Variants in AGAP1 observed in about 807,000 individuals in gnomAD.
The protein encoded by AGAP1 is ArfGAP with GTPase domain, ankyrin repeat and PH domain 1.
Under a neutral mutation model 105.3 loss-of-function variants are expected in AGAP1, and 29 were observed. That is an observed-to-expected ratio of 0.28 (90% confidence interval 0.21 to 0.38). The LOEUF is 0.38. Among genes scored for constraint, AGAP1 ranks in the 10% least tolerant of loss-of-function variants. AGAP1 has a pLI of 1.00. For synonymous variants in AGAP1, 509 were observed against 485.9 expected, an observed-to-expected ratio of 1.05 and a Z score of -0.63; for missense variants, 998 against 1,165.1, an observed-to-expected ratio of 0.86 and a Z score of 2.09.
At position 235,660,787 on chromosome 2, in the gene AGAP1, A is replaced by T. The variant is rs1303435770; in HGVS notation, c.164-48392A>T. 2.0e-5 allele frequency among the ~76,000 whole-genome samples: 3 copies of T among 152,214 alleles called. No homozygotes were observed. Among genetic ancestry groups the T allele is most frequent in the Non-Finnish European group, 4.4e-5 (3 of 68,036 alleles). ...CAGCATTGGAGCAGATGCTCCCCAT[A>T]CATCATCACATCTTATTGTCGCAGC... On this transcript the variant is annotated intron_variant, in intron 1 of 17. Transcript: ENST00000304032. This position sits in a 1 kb window ranked among gnomAD's most constrained non-coding sequence, Gnocchi z 5.3.
rs370040304 is a variant in AGAP1, at chr2:236,038,276, A to G, written c.1800+1561A>G. 1.8e-4 allele frequency among the ~76,000 whole-genome samples: 28 copies of G among 152,320 alleles called. 1 individual carries two copies. The South Asian group carries it at 4.6e-3, about 25-fold the overall frequency. On this transcript the variant is annotated intron_variant, in intron 14 of 17. Transcript: ENST00000304032. The surrounding 1 kb of genome is among the most constrained non-coding windows in gnomAD (Gnocchi z 4.5). Reference sequence around the variant, plus strand: ...CAAGCGTGGGCAGCTCATTCTGAGAAGGAAGGCAGGGAGGCAGGCTGTGTT... The same window carrying G: ...CAAGCGTGGGCAGCTCATTCTGAGAGGGAAGGCAGGGAGGCAGGCTGTGTT...
rs185089496 is a variant in AGAP1 at position 235,775,139 on chromosome 2, G to A, written c.674-22620G>A. Among the ~76,000 whole-genome samples, 668 of 152,318 alleles carry A rather than the reference G, an allele frequency of 4.4e-3. 7 individuals carry two copies. Among genetic ancestry groups the A allele is most frequent in the African/African-American group, 0.015 (636 of 41,568 alleles). On this transcript the variant is annotated intron_variant, in intron 6 of 17. Transcript: ENST00000304032. ...CAGCCAGCTGGGGAACAGAGAAGGT[G>A]AGTGGGGACAGAGCCCACAGGTCCT...
In AGAP1 at chr2:235,553,211, G is replaced by A. The variant is rs1046676112; in HGVS notation, c.163+58362G>A. Among the ~76,000 whole-genome samples, 1 of 151,822 alleles carries A rather than the reference G, an allele frequency of 6.6e-6. No individual in the cohort carries two copies. The highest frequency in any genetic ancestry group is 2.4e-5 in the African/African-American group (1 of 41,310). On this transcript the variant is annotated intron_variant, in intron 1 of 17. Coordinates refer to ENST00000304032, the MANE Select transcript of AGAP1 (RefSeq NM_001037131.3). This position sits in a 1 kb window ranked among gnomAD's most constrained non-coding sequence, Gnocchi z 4.5. ...TGGTGAACTAACATTCTCAAGTACT[G>A]TCTTAAGTCAGTACAGATTTTAGGC...
chr2:235,979,322 A>G lies in AGAP1; in HGVS notation c.1645+10699A>G, dbSNP rs1174007675. Reference sequence around the variant, plus strand: ...TGAGGTTGGAGGGAGGAGGGTGGTGATTGATTAAGCCCCCCTGTCGTTCAT... The same window carrying G: ...TGAGGTTGGAGGGAGGAGGGTGGTGGTTGATTAAGCCCCCCTGTCGTTCAT... On this transcript the variant is annotated intron_variant, in intron 13 of 17. Transcript: ENST00000304032. This position sits in a 1 kb window ranked among gnomAD's most constrained non-coding sequence, Gnocchi z 4.5. Among the ~76,000 whole-genome samples, 1 of 151,952 alleles carries G rather than the reference A, an allele frequency of 6.6e-6. No homozygotes were observed. Among genetic ancestry groups the G allele is most frequent in the Non-Finnish European group, 1.5e-5 (1 of 67,988 alleles).
At position 235,753,219 on chromosome 2, in the gene AGAP1, G is replaced by A. The variant is rs115899016; in HGVS notation, c.673+2731G>A. Among the ~76,000 whole-genome samples the A allele has an allele frequency of 1.2e-3, 180 of 152,254 alleles. No individual in the cohort carries two copies. The highest frequency in any genetic ancestry group is 6.8e-3 in the Middle Eastern group (2 of 294). ...GGAAGCATTTCGTTTTCTTCAGGTTGGGGGTGGCAAGAGGAGAATAAGGAC... is the reference window on the plus strand; with the variant it reads ...GGAAGCATTTCGTTTTCTTCAGGTTAGGGGTGGCAAGAGGAGAATAAGGAC... On this transcript the variant is annotated intron_variant, in intron 6 of 17. Coordinates refer to ENST00000304032, the MANE Select transcript of AGAP1 (RefSeq NM_001037131.3). The surrounding 1 kb of genome is among the most constrained non-coding windows in gnomAD (Gnocchi z 4.5).
intron 9 of AGAP1, among the ~76,000 whole-genome samples, chr2:235,835,982 T>C (rs4663617): frequency 6.6e-6 from 1 of 152,130 alleles, no homozygotes; most frequent in African/African-American, 2.4e-5. Context: ...AATAAATTCA[T>C]TTAGATTTAT....
In AGAP1 at chr2:236,125,485, A is replaced by T. The variant is rs1466980993; in HGVS notation, c.*1363A>T. 6.6e-6 allele frequency: 1 copy of T among 152,212 alleles called. No individual in the cohort carries two copies. Among genetic ancestry groups the T allele is most frequent in the African/African-American group, 2.4e-5 (1 of 41,452 alleles). The allele number at this position is 152,212 out of a possible 1,614,324, so 9.4% of individuals were successfully genotyped here. A position where few individuals can be genotyped will look rare whatever the true frequency, so the allele number is the denominator to read the frequency against. Reference sequence around the variant, plus strand: ...TTAAAATTGAGAAAGAAAAAAAAAGACACACTGGAGTATATTAGAAAGGAA... The same window carrying T: ...TTAAAATTGAGAAAGAAAAAAAAAGTCACACTGGAGTATATTAGAAAGGAA... On this transcript the variant is annotated 3_prime_UTR_variant, in exon 18 of 18. Transcript: ENST00000304032. The surrounding 1 kb of genome is among the most constrained non-coding windows in gnomAD (Gnocchi z 5.2).
chr2:235,743,032 T>G (rs898322082), intron 4 of AGAP1, among the ~76,000 whole-genome samples: 1 of 152,158 alleles, frequency 6.6e-6, no homozygotes, highest in African/African-American at 2.4e-5. Flanking sequence ...CCAGGCGTGG[T>G]GGCACGTGCC....
chr2:235,957,120 C>G lies in AGAP1; in HGVS notation c.1484-11342C>G, dbSNP rs74856534. Reference sequence around the variant, plus strand: ...ACCACAGTCAATCTCAGAACATTTTCATCGTCTCAAAAAGGAAACTCTGTT... The same window carrying G: ...ACCACAGTCAATCTCAGAACATTTTGATCGTCTCAAAAAGGAAACTCTGTT... On this transcript the variant is annotated intron_variant, in intron 12 of 17. Transcript: ENST00000304032. The surrounding 1 kb of genome is among the most constrained non-coding windows in gnomAD (Gnocchi z 4.6). 0.017 allele frequency among the ~76,000 whole-genome samples: 2,513 copies of G among 152,278 alleles called. 78 individuals carry two copies. Among genetic ancestry groups the G allele is most frequent in the African/African-American group, 0.058 (2,392 of 41,540 alleles).
Position 235,843,948 on chromosome 2 carries a change from C to G in AGAP1, c.1050+36617C>G, listed in dbSNP as rs2176237. Among the ~76,000 whole-genome samples, 71,067 of 152,176 alleles carry G rather than the reference C, an allele frequency of 0.47. 19,165 individuals are homozygous for G. Among genetic ancestry groups the G allele is most frequent in the East Asian group, 0.8 (4,103 of 5,156 alleles). Reference sequence around the variant, plus strand: ...GCTTCCCAGCATGGCCTCACATTGTCATCAGTGTCACTCAGGACCTTGCCC... The same window carrying G: ...GCTTCCCAGCATGGCCTCACATTGTGATCAGTGTCACTCAGGACCTTGCCC... On this transcript the variant is annotated intron_variant, in intron 9 of 17. Coordinates refer to ENST00000304032, the MANE Select transcript of AGAP1 (RefSeq NM_001037131.3). This position sits in a 1 kb window ranked among gnomAD's most constrained non-coding sequence, Gnocchi z 5.9.
intron 8 of AGAP1, among the ~76,000 whole-genome samples, chr2:235,802,888 ATGG>A (rs570084243): frequency 0.016 from 1,795 of 109,382 alleles, 21 homozygotes; most frequent in Non-Finnish European, 0.021. Flanking sequence ...TGTGGTTGTG[ATGG>A]TGATGATGGT....
chr2:235,814,877 G>A (rs567456737), intron 9 of AGAP1, among the ~76,000 whole-genome samples: 85 of 152,250 alleles, frequency 5.6e-4, no homozygotes, highest in African/African-American at 2.0e-3. Context: ...CTGCAGAGAA[G>A]GGTTGATTTC....
chr2:235,594,565 C>T (rs1054377501), intron 1 of AGAP1, among the ~76,000 whole-genome samples: 14 of 152,006 alleles, frequency 9.2e-5, no homozygotes, highest in African/African-American at 1.4e-4. Context: ...CAATATGATG[C>T]GGAGTTTTCC....
intron 10 of AGAP1, among the ~76,000 whole-genome samples, chr2:235,899,163 A>G (rs2050943483): frequency 6.6e-6 from 1 of 152,192 alleles, no homozygotes; most frequent in Non-Finnish European, 1.5e-5. Flanking sequence ...AGAAGACATG[A>G]TGTAGCAATC....
At chr2:236,069,829 A>G (rs190541676) in intron 16 of AGAP1, among the ~76,000 whole-genome samples, 282 of 152,336 alleles carry the variant, frequency 1.9e-3, no homozygotes, top group Non-Finnish European at 1.6e-3. Context: ...TCTCTAGGGG[A>G]TAGGGTTCTG....
chr2:236,055,259 G>A lies in AGAP1; in HGVS notation c.2114+5978G>A, dbSNP rs2058020155. Among the ~76,000 whole-genome samples the A allele has an allele frequency of 6.6e-6, 1 of 152,146 alleles. No homozygotes were observed. The highest frequency in any genetic ancestry group is 6.5e-5 in the Admixed American group (1 of 15,278). ...CGATCAGAGTTAACAATTATAGCAA[G>A]GACAGTTTAACTTTCTTCTTCGCCG... On this transcript the variant is annotated intron_variant, in intron 16 of 17. Transcript: ENST00000304032. The surrounding 1 kb of genome is among the most constrained non-coding windows in gnomAD (Gnocchi z 6.2).
At position 235,860,654 on chromosome 2, in the gene AGAP1, G is replaced by A. The variant is rs540012955; in HGVS notation, c.1051-22691G>A. On this transcript the variant is annotated intron_variant, in intron 9 of 17. Transcript: ENST00000304032. ...TGTTTTGCTTTACAGAGAAGTGGCAGTAGTACAGATTCTGTTTTTTTGTAA... is the reference window on the plus strand; with the variant it reads ...TGTTTTGCTTTACAGAGAAGTGGCAATAGTACAGATTCTGTTTTTTTGTAA... Among the ~76,000 whole-genome samples, 67 of 152,312 alleles carry A rather than the reference G, an allele frequency of 4.4e-4. 2 individuals carry two copies. In the South Asian group the frequency reaches 0.014, roughly 32 times the overall value.
chr2:235,659,371 G>A lies in AGAP1; in HGVS notation c.164-49808G>A. ...TGAAGTGCCACAGTGTTGTATCTGA[G>A]TGAGTAGCGTCCTCCTTAAGCATTG... On this transcript the variant is annotated intron_variant, in intron 1 of 17. Coordinates refer to ENST00000304032, the MANE Select transcript of AGAP1 (RefSeq NM_001037131.3). The surrounding 1 kb of genome is among the most constrained non-coding windows in gnomAD (Gnocchi z 5.0). Among the ~76,000 whole-genome samples, 1 of 152,230 alleles carries A rather than the reference G, an allele frequency of 6.6e-6. No individual in the cohort carries two copies. The highest frequency in any genetic ancestry group is 1.5e-5 in the Non-Finnish European group (1 of 68,042).
chr2:235,509,308 C>T (rs945610188), intron 1 of AGAP1, among the ~76,000 whole-genome samples: 23 of 152,076 alleles, frequency 1.5e-4, no homozygotes, highest in Non-Finnish European at 3.1e-4. Flanking sequence ...CTCACTGTAA[C>T]CTCTGCCTCC....
Sources: allele counts gnomAD v4.1 joint callset (sites outside exome capture counted in the v4.1 genomes callset), GRCh38; gene constraint gnomAD v4.1.1; non-coding constraint Gnocchi (gnomAD v3.1); transcripts MANE v1.5; gene names NCBI Gene and HGNC (gene_info 2026-07-23, HGNC 2026-07-21).